Variants in SLC10A6 observed in about 807,000 individuals in gnomAD.
The protein encoded by SLC10A6 is solute carrier family 10 member 6, also known as sodium-dependent organic anion transporter.
A neutral mutation model predicts 30.0 loss-of-function variants in SLC10A6; 27 were observed. The ratio of observed to expected loss-of-function variants is 0.90; its 90% CI spans 0.66 to 1.24. The LOEUF (loss-of-function observed/expected upper bound fraction) is 1.24, where lower values mean the gene tolerates loss of function less well. Among genes scored for constraint, SLC10A6 ranks in the 50% most tolerant of loss-of-function variants. SLC10A6 has a pLI of 0.00. For synonymous variants in SLC10A6, 166 were observed against 173.8 expected (o/e 0.95, Z 0.36); for missense variants, 439 against 457.0 (o/e 0.96, Z 0.36).
chr4:86,832,458 T>A (rs1017034053), intron 2 of SLC10A6, among the ~76,000 whole-genome samples: 1 of 151,898 alleles, frequency 6.6e-6, no homozygotes, highest in African/African-American at 2.4e-5. Context: ...ACCAAAAAAA[T>A]TAGCCGGGTG....
At chr4:86,839,919 T>C (rs940063541) in intron 1 of SLC10A6, among the ~76,000 whole-genome samples, 1 of 151,386 alleles carries the variant, frequency 6.6e-6, no homozygotes, top group African/African-American at 2.4e-5. Flanking sequence ...TTTTTTTATT[T>C]TTTTTTTTTA....
At chr4:86,834,259 C>G (rs1252663263) in intron 1 of SLC10A6, among the ~76,000 whole-genome samples, 7 of 152,168 alleles carry the variant, frequency 4.6e-5, no homozygotes, top group Non-Finnish European at 1.0e-4. Flanking sequence ...TCCTCTTCCC[C>G]TTCCACCATG....
At chr4:86,832,335 T>C (rs1460807899) in intron 2 of SLC10A6, among the ~76,000 whole-genome samples, 2 of 152,138 alleles carry the variant, frequency 1.3e-5, no homozygotes, top group African/African-American at 4.8e-5. Context: ...CCAGGCACGG[T>C]GGCTTACACC....
intron 3 of SLC10A6, among the ~76,000 whole-genome samples, chr4:86,829,640 G>A (rs529028531): frequency 1.3e-5 from 2 of 151,436 alleles, no homozygotes; most frequent in South Asian, 4.2e-4. Context: ...GAGCAAATGG[G>A]GAACACTTAA....
At chr4:86,836,701 T>C (rs1746190991) in intron 1 of SLC10A6, among the ~76,000 whole-genome samples, 1 of 152,216 alleles carries the variant, frequency 6.6e-6, no homozygotes, top group Admixed American at 6.5e-5. Context: ...TATTACATTA[T>C]ATGAACTAAG....
intron 2 of SLC10A6, 144 bp downstream of exon 2, chr4:86,833,162 G>A: frequency 1.8e-6 from 1 of 562,330 alleles, no homozygotes; most frequent in East Asian, 2.9e-5. Flanking sequence ...ACTGGTAACA[G>A]AATCTATACT....
At chr4:86,824,868 A>G (rs113320856) in intron 5 of SLC10A6, among the ~76,000 whole-genome samples, 1 of 152,204 alleles carries the variant, frequency 6.6e-6, no homozygotes, top group African/African-American at 2.4e-5. Context: ...CCCTCTGTGA[A>G]CAAACATAAT....
At position 86,847,340 on chromosome 4, in the gene SLC10A6, A is replaced by G. The variant is rs77533083; in HGVS notation, c.377+1399T>C. The stretch of plus-strand genomic sequence containing the variant: ...AATATTAGTTTCCTTTTTCTTTCCA[A>G]AAACTTTTAGGTCCTGGAATTTATC... On this transcript the variant is annotated intron_variant, in intron 1 of 5. Coordinates refer to ENST00000273905, the MANE Select transcript of SLC10A6 (RefSeq NM_197965.3). 9.7e-3 allele frequency among the ~76,000 whole-genome samples: 1,476 copies of G among 152,316 alleles called. 31 individuals carry two copies. The highest frequency in any genetic ancestry group is 0.034 in the African/African-American group (1,398 of 41,566).
At chr4:86,824,529 T>C (rs1307756871) in intron 5 of SLC10A6, among the ~76,000 whole-genome samples, 3 of 152,114 alleles carry the variant, frequency 2.0e-5, no homozygotes, top group African/African-American at 7.2e-5. Context: ...CAGCAAAAAT[T>C]TACCATGGCC....
intron 2 of SLC10A6, among the ~76,000 whole-genome samples, chr4:86,832,540 G>A (rs914350486): frequency 2.0e-5 from 3 of 151,696 alleles, no homozygotes; most frequent in East Asian, 1.9e-4. Flanking sequence ...GCAGTGAGCC[G>A]AGATTGCACG....
At chr4:86,827,446 G>A (rs191427825) in intron 4 of SLC10A6, among the ~76,000 whole-genome samples, 126 of 152,268 alleles carry the variant, frequency 8.3e-4, no homozygotes, top group Non-Finnish European at 1.5e-3. Flanking sequence ...AACCCTAAAT[G>A]TTCCCCAAGT....
chr4:86,844,038 T>C (rs1746352595), intron 1 of SLC10A6, among the ~76,000 whole-genome samples: 1 of 151,626 alleles, frequency 6.6e-6, no homozygotes, highest in South Asian at 2.1e-4. Flanking sequence ...ATCAGCCAGG[T>C]GTGGTGGCAG....
intron 1 of SLC10A6, among the ~76,000 whole-genome samples, chr4:86,837,815 T>C (rs978117947): frequency 4.6e-5 from 7 of 152,238 alleles, no homozygotes; most frequent in African/African-American, 1.4e-4. Flanking sequence ...AAACTGTTTA[T>C]AGACACTGTG....
chr4:86,827,431 A>G (rs1239528712), intron 4 of SLC10A6, among the ~76,000 whole-genome samples: 2 of 152,208 alleles, frequency 1.3e-5, no homozygotes, highest in Non-Finnish European at 1.5e-5. Context: ...CCGGGCGCTT[A>G]GTACAACCCT....
intron 3 of SLC10A6, among the ~76,000 whole-genome samples, chr4:86,830,850 T>C (rs534663773): frequency 6.6e-6 from 1 of 152,340 alleles, no homozygotes; most frequent in Admixed American, 6.5e-5. Flanking sequence ...TTTAAAATCT[T>C]CATGAAAGCC....
At position 86,823,904 on chromosome 4, in the gene SLC10A6, TA is replaced by T; in HGVS notation, c.920-3del. 1 of 1,602,506 alleles carries T rather than the reference TA, an allele frequency of 6.2e-7. No homozygotes were observed. Among genetic ancestry groups the T allele is most frequent in the Non-Finnish European group, 8.5e-7 (1 of 1,174,044 alleles). On this transcript the variant is annotated splice_polypyrimidine_tract_variant and splice_region_variant and intron_variant, in intron 5 of 5. Coordinates refer to ENST00000273905, the MANE Select transcript of SLC10A6 (RefSeq NM_197965.3). ...ATCTCCTCTTGTACGTCTGATATGCTAGGTGTTAAAACATACAAGTATTAAC... is the reference window on the plus strand; with the variant it reads ...ATCTCCTCTTGTACGTCTGATATGCTGGTGTTAAAACATACAAGTATTAAC...
chr4:86,829,904 A>C (rs1746051728), intron 3 of SLC10A6, among the ~76,000 whole-genome samples: 1 of 152,234 alleles, frequency 6.6e-6, no homozygotes, highest in South Asian at 2.1e-4. Flanking sequence ...ATTGACACTG[A>C]TGGACTGATA....
At chr4:86,835,487 T>C (rs1746164349) in intron 1 of SLC10A6, among the ~76,000 whole-genome samples, 1 of 152,028 alleles carries the variant, frequency 6.6e-6, no homozygotes, top group Non-Finnish European at 1.5e-5. Context: ...GCCAACATGG[T>C]GAAACCCTGT....
intron 1 of SLC10A6, among the ~76,000 whole-genome samples, chr4:86,837,289 G>GT (rs1746210936): frequency 1.2e-5 from 1 of 86,058 alleles, no homozygotes; most frequent in Non-Finnish European, 2.3e-5. Flanking sequence ...GAAAGAAAAA[G>GT]AAAGGAAGGA....
Sources: allele counts gnomAD v4.1 joint callset (sites outside exome capture counted in the v4.1 genomes callset), GRCh38; gene constraint gnomAD v4.1.1; transcripts MANE v1.5; gene names NCBI Gene and HGNC (gene_info 2026-07-23, HGNC 2026-07-21).